Variants in SPOCK1 observed in about 807,000 individuals in gnomAD.
SPOCK1 encodes the protein testican-1.
Under a neutral mutation model 55.3 loss-of-function variants are expected in SPOCK1, and 23 were observed. The observed-to-expected ratio is 0.42, with a 90% CI of 0.30 to 0.59. The LOEUF (loss-of-function observed/expected upper bound fraction) is 0.59. SPOCK1 is among the 20% of genes least tolerant of loss of function. SPOCK1 has a pLI of 0.22. For missense variants in SPOCK1, 499 were observed against 552.5 expected (o/e 0.90, Z 0.97); for synonymous variants, 226 against 221.0 (o/e 1.02, Z -0.20).
intron 2 of SPOCK1, among the ~76,000 whole-genome samples, chr5:137,296,863 C>T (rs1165628628): frequency 1.3e-5 from 2 of 152,148 alleles, no homozygotes; most frequent in African/African-American, 4.8e-5. Flanking sequence ...CAGCAGGCTT[C>T]CTGAGACCAG....
At chr5:137,133,568 G>C (rs1021421115) in intron 4 of SPOCK1, among the ~76,000 whole-genome samples, 2 of 151,904 alleles carry the variant, frequency 1.3e-5, no homozygotes. Flanking sequence ...AATAGTCTTC[G>C]TTTCAGAGAG....
chr5:137,432,073 T>C (rs547110402), intron 2 of SPOCK1, among the ~76,000 whole-genome samples: 1 of 152,320 alleles, frequency 6.6e-6, no homozygotes, highest in East Asian at 1.9e-4. Flanking sequence ...CCCCTTAGGA[T>C]GGTTATTACA....
At chr5:137,270,726 G>A (rs1032802935) in intron 2 of SPOCK1, among the ~76,000 whole-genome samples, 12 of 152,188 alleles carry the variant, frequency 7.9e-5, no homozygotes, top group African/African-American at 2.9e-4. Flanking sequence ...GACATGGCCA[G>A]GCCCAGTGGC....
intron 2 of SPOCK1, among the ~76,000 whole-genome samples, chr5:137,284,758 A>C (rs1169162642): frequency 6.6e-6 from 1 of 152,178 alleles, no homozygotes. Context: ...GGGCGCACTA[A>C]CACCTGTGTG....
At chr5:137,088,527 A>G (rs938051777) in intron 5 of SPOCK1, among the ~76,000 whole-genome samples, 6 of 152,192 alleles carry the variant, frequency 3.9e-5, no homozygotes, top group African/African-American at 1.4e-4. Context: ...AAATCTATCA[A>G]TCTCTGAGAG....
At chr5:137,158,573 G>A (rs561553440) in intron 3 of SPOCK1, among the ~76,000 whole-genome samples, 2 of 152,236 alleles carry the variant, frequency 1.3e-5, no homozygotes, top group African/African-American at 2.4e-5. Flanking sequence ...GAGTGATTGG[G>A]GTGAGCCGAT....
At chr5:137,356,873 A>AGAGAGTGAGT (rs796667572) in intron 2 of SPOCK1, among the ~76,000 whole-genome samples, 3 of 69,824 alleles carry the variant, frequency 4.3e-5, no homozygotes, top group African/African-American at 2.2e-4. Context: ...AGAGAGAGAG[A>AGAGAGTGAGT]GAGTATGCAG....
At chr5:137,040,265 C>A (rs1751969535) in intron 6 of SPOCK1, among the ~76,000 whole-genome samples, 1 of 152,228 alleles carries the variant, frequency 6.6e-6, no homozygotes, top group African/African-American at 2.4e-5. Context: ...AGCAAGCTAG[C>A]ACTTCATGAG....
intron 2 of SPOCK1, among the ~76,000 whole-genome samples, chr5:137,445,234 C>A (rs558088054): frequency 1.3e-5 from 2 of 152,266 alleles, no homozygotes; most frequent in East Asian, 1.9e-4. Flanking sequence ...TTCACAAATT[C>A]TCTGCCCATT....
chr5:137,282,720 C>T lies in SPOCK1; in HGVS notation c.187-15665G>A, dbSNP rs188957402. On this transcript the variant is annotated intron_variant, in intron 2 of 10. Coordinates refer to ENST00000394945, the MANE Select transcript of SPOCK1 (RefSeq NM_004598.4). The stretch of plus-strand genomic sequence containing the variant: ...GAGAAAATCTCCAGTTTCTTCCTCC[C>T]GGTCCCTGCCATGAAGAGACTTGGC... Among the ~76,000 whole-genome samples, 241 of 152,310 alleles carry T rather than the reference C, an allele frequency of 1.6e-3. 1 individual carries two copies. The highest frequency in any genetic ancestry group is 5.6e-3 in the African/African-American group (231 of 41,550).
At chr5:137,393,687 T>C (rs1751778160) in intron 2 of SPOCK1, among the ~76,000 whole-genome samples, 1 of 152,258 alleles carries the variant, frequency 6.6e-6, no homozygotes, top group Admixed American at 6.5e-5. Flanking sequence ...CAATTACATA[T>C]TTCTAATAAT....
At chr5:137,133,846 G>A (rs760397531) in intron 4 of SPOCK1, among the ~76,000 whole-genome samples, 3 of 151,534 alleles carry the variant, frequency 2.0e-5, no homozygotes, top group Non-Finnish European at 4.4e-5. Context: ...GAAGAAATAG[G>A]TTTAATACCA....
chr5:137,378,341 G>A (rs1326355655), intron 2 of SPOCK1, among the ~76,000 whole-genome samples: 1 of 152,242 alleles, frequency 6.6e-6, no homozygotes, highest in Admixed American at 6.5e-5. Flanking sequence ...GAAGAAGAAT[G>A]AAGAGAACAG....
At chr5:137,132,067 C>T (rs1382937440) in intron 4 of SPOCK1, among the ~76,000 whole-genome samples, 1 of 130,176 alleles carries the variant, frequency 7.7e-6, no homozygotes, top group Admixed American at 8.0e-5. Flanking sequence ...CCCAGCTACT[C>T]AGGAGGCTGA....
At chr5:137,462,991 C>A (rs1482318045) in intron 2 of SPOCK1, among the ~76,000 whole-genome samples, 2 of 152,084 alleles carry the variant, frequency 1.3e-5, no homozygotes, top group African/African-American at 4.8e-5. Context: ...TGAGCAGGAG[C>A]CAAATCATTC....
chr5:137,420,653 C>A (rs1580916811), intron 2 of SPOCK1, among the ~76,000 whole-genome samples: 1 of 152,302 alleles, frequency 6.6e-6, no homozygotes, highest in African/African-American at 2.4e-5. Context: ...TCCCCTTTAT[C>A]ATTTTGTATT....
chr5:137,053,126 T>C lies in SPOCK1; in HGVS notation c.589+14589A>G, dbSNP rs115695558. Among the ~76,000 whole-genome samples, 217 of 152,264 alleles carry C rather than the reference T, an allele frequency of 1.4e-3. 1 individual carries two copies. Among genetic ancestry groups the C allele is most frequent in the Middle Eastern group, 0.01 (3 of 294 alleles). On this transcript the variant is annotated intron_variant, in intron 6 of 10. Transcript: ENST00000394945. ...CCCTCTCCAGGACATTCTAAGCCCT[T>C]TAGCTAATTCTAGGAACTACATGCT...
chr5:137,088,808 A>G (rs982102623), intron 5 of SPOCK1, among the ~76,000 whole-genome samples: 9 of 152,220 alleles, frequency 5.9e-5, no homozygotes, highest in Non-Finnish European at 1.0e-4. Context: ...TGAAAGATGG[A>G]AAGCCATTGT....
In SPOCK1 at chr5:137,395,787, C is replaced by T. The variant is rs75590206; in HGVS notation, c.186+102586G>A. On this transcript the variant is annotated intron_variant, in intron 2 of 10. Transcript: ENST00000394945. ...TTGAGAGGTGAGGAGGTAAGCTCAG[C>T]GGGCCAATCCAAAGCATGCTGTTTA... Among the ~76,000 whole-genome samples the T allele has an allele frequency of 3.8e-4, 58 of 152,274 alleles. 1 individual carries two copies. The East Asian group carries it at 0.01, about 27-fold the overall frequency.
Sources: allele counts gnomAD v4.1 joint callset (sites outside exome capture counted in the v4.1 genomes callset), GRCh38; gene constraint gnomAD v4.1.1; transcripts MANE v1.5; gene names NCBI Gene and HGNC (gene_info 2026-07-23, HGNC 2026-07-21).